The following VASN variants were observed in gnomAD, a reference collection of about 807,000 sequenced individuals.
VASN encodes the protein vasorin.
A neutral mutation model predicts 4.8 loss-of-function variants in VASN; 5 were observed. The observed-to-expected ratio is 1.03, with a 90% CI of 0.54 to 2.17. VASN has a LOEUF of 2.17. Among genes scored for constraint, VASN ranks in the 30% most tolerant of loss-of-function variants. VASN has a pLI of 0.01. For missense variants in VASN, 927 were observed against 948.8 expected (o/e 0.98, Z 0.30); for synonymous variants, 499 against 460.8 (o/e 1.08, Z -1.06).
At chr16:4,376,885 C>T (rs2054750965) in intron 1 of VASN, among the ~76,000 whole-genome samples, 1 of 152,184 alleles carries the variant, frequency 6.6e-6, no homozygotes, top group African/African-American at 2.4e-5. Context: ...GTAAAGCTGG[C>T]CTGAAACCCT....
Position 4,371,982 on chromosome 16 carries a change from C to T in VASN, c.-21C>T, listed in dbSNP as rs1343226289. 4.6e-5 allele frequency: 7 copies of T among 152,620 alleles called. No homozygotes were observed. Among genetic ancestry groups the T allele is most frequent in the Non-Finnish European group, 8.8e-5 (6 of 68,410 alleles). 9.5% of individuals were successfully genotyped at this position (152,620 alleles called of 1,614,324 possible). A position where few individuals can be genotyped will look rare whatever the true frequency, so the allele number is the denominator to read the frequency against. On this transcript the variant is annotated 5_prime_UTR_variant, in exon 1 of 2. Transcript: ENST00000304735. ...TGCCCCGCCCGGCTCCCTGCGCCGC[C>T]GCCGCCTCCCGGTGAGTTTCTGTGG...
intron 1 of VASN, among the ~76,000 whole-genome samples, chr16:4,374,274 CAG>C: frequency 6.6e-6 from 1 of 152,222 alleles, no homozygotes. Context: ...TTCCACATTC[CAG>C]AGTCAGCCGG....
intron 1 of VASN, among the ~76,000 whole-genome samples, chr16:4,376,238 A>C (rs1328134433): frequency 6.6e-6 from 1 of 152,198 alleles, no homozygotes; most frequent in Admixed American, 6.5e-5. Context: ...GGGCGGACCC[A>C]GCCGGGCCCT....
chr16:4,377,063 G>C (rs968276678), intron 1 of VASN, among the ~76,000 whole-genome samples: 3 of 152,186 alleles, frequency 2.0e-5, no homozygotes, highest in Non-Finnish European at 1.5e-5. Flanking sequence ...CTGCACAATG[G>C]GGGCTGAGGT....
Position 4,382,976 on chromosome 16 carries a change from G to A in VASN, c.*77G>A, listed in dbSNP as rs540601047. The A allele has an allele frequency of 4.7e-5, 66 of 1,409,814 alleles. No homozygotes were observed. The South Asian group carries it at 6.9e-4, about 15-fold the overall frequency. 87.3% of individuals were successfully genotyped at this position (1,409,814 alleles called of 1,614,324 possible). The stretch of plus-strand genomic sequence containing the variant: ...CAGCCCCCTCCTGCTGCCACACCAC[G>A]TAAGTTCTCAGTCCCAACCTCGGGG... On this transcript the variant is annotated 3_prime_UTR_variant, in exon 2 of 2. Transcript: ENST00000304735.
At position 4,382,271 on chromosome 16, in the gene VASN, C is replaced by A; in HGVS notation, c.1394C>A (p.Thr465Asn). The change falls in exon 2 of 2, where the codon ACC becomes AAC. Residue 465 changes from threonine (T) to asparagine (N), a missense_variant. Coordinates refer to ENST00000304735, the MANE Select transcript of VASN (RefSeq NM_138440.3). ...ACGCCGAGGCCACCACGGTCCCTGA[C>A]CCTGGGCATCGAGCCGGTGAGCCCC... ...PVTPRPPRSL[T>N]LGIEPVSPTS... is the part of the protein sequence containing the mutation. The A allele has an allele frequency of 6.2e-7, 1 of 1,608,868 alleles. No individual in the cohort carries two copies. The highest frequency in any genetic ancestry group is 8.5e-7 in the Non-Finnish European group (1 of 1,178,584).
rs143342632 is a variant in VASN, at chr16:4,382,785, G to T, written c.1908G>T (p.Lys636Asn). 1.9e-4 allele frequency: 304 copies of T among 1,581,768 alleles called. No individual in the cohort carries two copies. The highest frequency in any genetic ancestry group is 2.4e-4 in the Non-Finnish European group (281 of 1,164,852). Reference protein sequence around the residue: ...GVKVPLEPGPKATEGGGEALP... With the variant: ...GVKVPLEPGPNATEGGGEALP... ...AGGTCCCCTTGGAGCCAGGCCCGAA[G>T]GCAACAGAGGGCGGTGGAGAGGCCC... The change falls in exon 2 of 2, where the codon AAG (lysine) becomes AAT (asparagine). Residue 636 changes from lysine (K) to asparagine (N), a missense_variant. By Grantham distance (94) the Lys-to-Asn change is moderately conservative (BLOSUM62 0). Transcript: ENST00000304735.
At position 4,381,051 on chromosome 16, in the gene VASN, C is replaced by T. The variant is rs770922479; in HGVS notation, c.174C>T (p.Tyr58=). Residue 58 remains tyrosine (Y), a synonymous_variant, in exon 2 of 2, where the codon TAC becomes TAT. Transcript: ENST00000304735. ...RDVPPDTVGL[Y]VFENGITMLD... ...TGCCACCCGACACGGTGGGGCTGTA[C>T]GTCTTTGAGAACGGCATCACCATGC... The T allele has an allele frequency of 1.1e-5, 18 of 1,610,560 alleles. No individual in the cohort carries two copies. Among genetic ancestry groups the T allele is most frequent in the Admixed American group, 3.3e-5 (2 of 59,728 alleles).
rs1454615260 is a variant in VASN, at chr16:4,381,663, C to A, written c.786C>A (p.Gly262=). The A allele has an allele frequency of 1.2e-6, 2 of 1,604,220 alleles. No homozygotes were observed. The highest frequency in any genetic ancestry group is 8.5e-7 in the Non-Finnish European group (1 of 1,176,530). ...IAQLRPEDLA[G]LAALQELDVS... ...AGCTGCGGCCCGAGGACCTGGCCGGCCTGGCTGCCCTGCAGGAGCTGGATG... is the reference window on the plus strand; with the variant it reads ...AGCTGCGGCCCGAGGACCTGGCCGGACTGGCTGCCCTGCAGGAGCTGGATG... The change falls in exon 2 of 2, where the codon GGC becomes GGA. Residue 262 remains glycine (G), a synonymous_variant. Transcript: ENST00000304735.
intron 1 of VASN, among the ~76,000 whole-genome samples, chr16:4,375,632 C>T (rs1193383906): frequency 5.3e-5 from 8 of 152,330 alleles, no homozygotes; most frequent in South Asian, 4.1e-4. Flanking sequence ...GGACTACAGG[C>T]GCCTGCCACC....
At chr16:4,376,641 A>C (rs2054741260) in intron 1 of VASN, among the ~76,000 whole-genome samples, 2 of 151,962 alleles carry the variant, frequency 1.3e-5, no homozygotes, top group African/African-American at 4.8e-5. Context: ...TCCCCGCCTG[A>C]CCCTGGGCGT....
intron 1 of VASN, among the ~76,000 whole-genome samples, chr16:4,375,290 G>C (rs1408510935): frequency 2.0e-5 from 3 of 152,192 alleles, no homozygotes; most frequent in Non-Finnish European, 2.9e-5. Flanking sequence ...AAGACCCTGT[G>C]CCTGCCCCTC....
rs953035539 is a variant in VASN, at chr16:4,380,855, C to T, written c.-9-14C>T. 1.8e-5 allele frequency: 27 copies of T among 1,474,750 alleles called. No homozygotes were observed. Among genetic ancestry groups the T allele is most frequent in the Non-Finnish European group, 2.4e-5 (27 of 1,119,746 alleles). 91.4% of individuals were successfully genotyped at this position (1,474,750 alleles called of 1,614,324 possible). ...ACTCACAGTCTTCTGTCTCTGCCTC[C>T]TCTCTGCTCCCAGGGACAGAAGATG... On this transcript the variant is annotated splice_polypyrimidine_tract_variant and intron_variant, in intron 1 of 1. Coordinates refer to ENST00000304735, the MANE Select transcript of VASN (RefSeq NM_138440.3).
intron 1 of VASN, among the ~76,000 whole-genome samples, chr16:4,374,565 C>T (rs564870419): frequency 2.6e-5 from 4 of 152,196 alleles, no homozygotes; most frequent in East Asian, 1.9e-4. Context: ...GGGGCTGGGG[C>T]GGCCGCTGGG....
At chr16:4,380,015 G>A (rs1392681029) in intron 1 of VASN, among the ~76,000 whole-genome samples, 3 of 147,910 alleles carry the variant, frequency 2.0e-5, no homozygotes, top group East Asian at 2.0e-4. Flanking sequence ...CCGAGATCTC[G>A]CCACTGCACT....
At chr16:4,379,441 G>A (rs2141239279) in intron 1 of VASN, among the ~76,000 whole-genome samples, 1 of 152,154 alleles carries the variant, frequency 6.6e-6, no homozygotes, top group African/African-American at 2.4e-5. Context: ...GGAGCGGCTG[G>A]TGGGAGCCCC....
At position 4,382,628 on chromosome 16, in the gene VASN, C is replaced by T. The variant is rs777416034; in HGVS notation, c.1751C>T (p.Ala584Val). 2.7e-5 allele frequency: 42 copies of T among 1,570,762 alleles called. No individual in the cohort carries two copies. The highest frequency in any genetic ancestry group is 8.1e-5 in the African/African-American group (6 of 73,752). ...LPLLIAPALAAVLLAALAAVG... is the reference protein window; with the variant it reads ...LPLLIAPALAVVLLAALAAVG... ...CTCCTCATTGCGCCCGCCCTGGCCG[C>T]GGTGCTCCTGGCCGCGCTGGCTGCG... The change falls in exon 2 of 2, where the codon GCG becomes GTG. Residue 584 changes from alanine (A) to valine (V), a missense_variant. By Grantham distance (64) the Ala-to-Val change is moderately conservative (BLOSUM62 0). Coordinates refer to ENST00000304735, the MANE Select transcript of VASN (RefSeq NM_138440.3).
At position 4,381,987 on chromosome 16, in the gene VASN, C is replaced by T; in HGVS notation, c.1110C>T (p.Ala370=). The T allele has an allele frequency of 6.2e-7, 1 of 1,607,644 alleles. No homozygotes were observed. The highest frequency in any genetic ancestry group is 2.2e-5 in the East Asian group (1 of 44,724). The change falls in exon 2 of 2, where the codon GCC becomes GCT. Residue 370 remains alanine (A), a synonymous_variant. Transcript: ENST00000304735. ...TTRPVVREPT[A]LSSSLAPTWL... ...GGCCCGTGGTGCGGGAGCCCACAGCCTTGTCTTCTAGCTTGGCTCCTACCT... is the reference window on the plus strand; with the variant it reads ...GGCCCGTGGTGCGGGAGCCCACAGCTTTGTCTTCTAGCTTGGCTCCTACCT...
At position 4,382,704 on chromosome 16, in the gene VASN, T is replaced by C. The variant is rs745394159; in HGVS notation, c.1827T>C (p.Ala609=). 5.6e-5 allele frequency: 87 copies of C among 1,549,036 alleles called. No individual in the cohort carries two copies. The highest frequency in any genetic ancestry group is 6.8e-5 in the Non-Finnish European group (78 of 1,147,832). The change falls in exon 2 of 2, where the codon GCT becomes GCC. Residue 609 remains alanine (A), a synonymous_variant. Coordinates refer to ENST00000304735, the MANE Select transcript of VASN (RefSeq NM_138440.3). The stretch of plus-strand genomic sequence containing the variant: ...GGGGGCGGGCCATGGCAGCAGCGGC[T>C]CAGGACAAAGGGCAGGTGGGGCCAG... The part of the protein sequence containing the change: ...VRRGRAMAAA[A]QDKGQVGPGA...
Sources: gnomAD v4.1 joint callset for allele counts (sites outside exome capture counted in the v4.1 genomes callset) on GRCh38, gnomAD v4.1.1 for gene constraint, MANE v1.5 for transcripts, NCBI Gene and HGNC (gene_info 2026-07-23, HGNC 2026-07-21) for gene names.